TMEM132D: variants seen among roughly 807,000 people sequenced by gnomAD.
TMEM132D encodes the protein mature OL transmembrane protein.
In TMEM132D, 21 loss-of-function variants were observed where a neutral mutation model predicts 62.3. The ratio of observed to expected loss-of-function variants is 0.34; its 90% CI spans 0.24 to 0.49. TMEM132D has a LOEUF of 0.49. Ranked by LOEUF, TMEM132D falls within the 20% of genes least tolerant of loss-of-function variation. The pLI is 0.99. For missense variants in TMEM132D, 1,346 were observed against 1,402.8 expected (o/e 0.96, Z 0.65); for synonymous variants, 621 against 575.6 (o/e 1.08, Z -1.13).
At chr12:129,394,283 G>C (rs984106781) in intron 3 of TMEM132D, among the ~76,000 whole-genome samples, 4 of 152,076 alleles carry the variant, frequency 2.6e-5, no homozygotes, top group African/African-American at 9.7e-5. Flanking sequence ...CACTGTTCCC[G>C]TCAATACATT....
At chr12:129,191,776 C>CGCAT in intron 5 of TMEM132D, among the ~76,000 whole-genome samples, 1 of 150,298 alleles carries the variant, frequency 6.7e-6, no homozygotes, top group East Asian at 2.0e-4. Flanking sequence ...CACACACACA[C>CGCAT]ACATACACAC....
intron 2 of TMEM132D, among the ~76,000 whole-genome samples, chr12:129,533,547 C>A (rs191266762): frequency 6.6e-6 from 1 of 152,272 alleles, no homozygotes; most frequent in East Asian, 1.9e-4. Flanking sequence ...AGTACATAGG[C>A]CTTTTCTGAT....
At chr12:129,614,527 G>C (rs1435683778) in intron 2 of TMEM132D, among the ~76,000 whole-genome samples, 6 of 152,214 alleles carry the variant, frequency 3.9e-5, no homozygotes, top group African/African-American at 2.4e-5. Flanking sequence ...AAACAGTTCT[G>C]TCTGGAGTTT....
intron 3 of TMEM132D, among the ~76,000 whole-genome samples, chr12:129,519,912 A>C: frequency 6.6e-6 from 1 of 152,192 alleles, no homozygotes; most frequent in South Asian, 2.1e-4. Context: ...CCTGGCCAAG[A>C]ATGCTTGTTT....
At chr12:129,264,168 C>T (rs1418243035) in intron 4 of TMEM132D, among the ~76,000 whole-genome samples, 5 of 152,162 alleles carry the variant, frequency 3.3e-5, no homozygotes, top group Admixed American at 6.5e-5. Flanking sequence ...GCAGGTGGAT[C>T]GCTTGAGGCC....
chr12:129,173,994 A>C (rs1422755210), intron 5 of TMEM132D, among the ~76,000 whole-genome samples: 1 of 152,224 alleles, frequency 6.6e-6, no homozygotes, highest in Non-Finnish European at 1.5e-5. Flanking sequence ...AAAAGAGGGA[A>C]ATACGAATTT....
intron 2 of TMEM132D, among the ~76,000 whole-genome samples, chr12:129,553,732 C>T (rs1275022664): frequency 6.6e-6 from 1 of 152,232 alleles, no homozygotes; most frequent in Non-Finnish European, 1.5e-5. Flanking sequence ...CTAAATTTAT[C>T]ACTCTAGAAA....
At chr12:129,535,987 G>A (rs1425988630) in intron 2 of TMEM132D, among the ~76,000 whole-genome samples, 1 of 152,132 alleles carries the variant, frequency 6.6e-6, no homozygotes, top group Non-Finnish European at 1.5e-5. Context: ...TGGCTAATCA[G>A]CTATCCGCAG....
chr12:129,147,636 T>C (rs1342696647), intron 5 of TMEM132D, among the ~76,000 whole-genome samples: 1 of 152,172 alleles, frequency 6.6e-6, no homozygotes, highest in Non-Finnish European at 1.5e-5. Context: ...AACGTATTCG[T>C]GTTAGACATT....
At chr12:129,108,609 G>A (rs1875579270) in intron 5 of TMEM132D, among the ~76,000 whole-genome samples, 2 of 152,132 alleles carry the variant, frequency 1.3e-5, no homozygotes, top group African/African-American at 4.8e-5. Flanking sequence ...GGTTCATTCA[G>A]ACTCTTCTAT....
intron 1 of TMEM132D, among the ~76,000 whole-genome samples, chr12:129,888,049 C>T (rs1292855180): frequency 6.6e-6 from 1 of 152,192 alleles, no homozygotes; most frequent in African/African-American, 2.4e-5. Context: ...GCTGTTCTCT[C>T]TCTTTCAATA....
At chr12:129,078,379 C>T (rs1030859727) in intron 8 of TMEM132D, among the ~76,000 whole-genome samples, 155 bp downstream of exon 8, 2 of 152,178 alleles carry the variant, frequency 1.3e-5, no homozygotes, top group African/African-American at 4.8e-5. Context: ...GCAGAGGAGT[C>T]ACCTGCTTCA....
At chr12:129,828,329 G>A (rs759521841) in intron 1 of TMEM132D, among the ~76,000 whole-genome samples, 21 of 151,950 alleles carry the variant, frequency 1.4e-4, no homozygotes, top group South Asian at 4.1e-4. Flanking sequence ...AATAAAAGCC[G>A]CCTAATGTTA....
chr12:129,337,838 A>G, intron 3 of TMEM132D, 21 bp from the exon 4 acceptor site: 1 of 1,582,506 alleles, frequency 6.3e-7, no homozygotes, highest in Non-Finnish European at 8.6e-7. Flanking sequence ...GACACAGAGG[A>G]GAACAGCTTT....
chr12:129,266,586 C>T (rs1406489386), intron 4 of TMEM132D, among the ~76,000 whole-genome samples: 2 of 148,786 alleles, frequency 1.3e-5, no homozygotes, highest in African/African-American at 2.5e-5. Context: ...CTCTTCTTCC[C>T]CTTTTTCCCC....
chr12:129,884,328 A>G (rs1223172454), intron 1 of TMEM132D, among the ~76,000 whole-genome samples: 1 of 152,238 alleles, frequency 6.6e-6, no homozygotes, highest in Non-Finnish European at 1.5e-5. Context: ...CATGCTATAG[A>G]CTGAGACAAA....
In TMEM132D at chr12:129,606,508, G is replaced by A. The variant is rs548343678; in HGVS notation, c.969-75303C>T. Reference sequence around the variant, plus strand: ...AGAGAGAGACCTGGCAAGTAACGTAGCAACGATAAGGCTCTGATGTGAGCA... The same window carrying A: ...AGAGAGAGACCTGGCAAGTAACGTAACAACGATAAGGCTCTGATGTGAGCA... On this transcript the variant is annotated intron_variant, in intron 2 of 8. Coordinates refer to ENST00000422113, the MANE Select transcript of TMEM132D (RefSeq NM_133448.3). Among the ~76,000 whole-genome samples the A allele has an allele frequency of 1.2e-3, 185 of 152,204 alleles. 2 individuals are homozygous for A. Among genetic ancestry groups the A allele is most frequent in the African/African-American group, 4.2e-3 (173 of 41,538 alleles).
intron 3 of TMEM132D, among the ~76,000 whole-genome samples, chr12:129,413,071 C>T (rs1047623543): frequency 6.6e-6 from 1 of 152,162 alleles, no homozygotes; most frequent in Admixed American, 6.5e-5. Flanking sequence ...TTAACACATT[C>T]TCTAGTAATT....
intron 1 of TMEM132D, among the ~76,000 whole-genome samples, chr12:129,759,718 C>T (rs1224136774): frequency 2.0e-5 from 3 of 152,150 alleles, no homozygotes; most frequent in South Asian, 2.1e-4. Context: ...CAGAGATAGA[C>T]AAATGTTGAT....
Sources: gnomAD v4.1 joint callset for allele counts (sites outside exome capture counted in the v4.1 genomes callset) on GRCh38, gnomAD v4.1.1 for gene constraint, MANE v1.5 for transcripts, NCBI Gene and HGNC (gene_info 2026-07-23, HGNC 2026-07-21) for gene names.